The following ABCA12 variants were observed in gnomAD, a reference collection of about 807,000 sequenced individuals.
The protein encoded by ABCA12 is glucosylceramide transporter ABCA12.
Under a neutral mutation model 293.5 loss-of-function variants are expected in ABCA12, and 156 were observed. The ratio of observed to expected loss-of-function variants is 0.53; its 90% confidence interval spans 0.47 to 0.61. The LOEUF is 0.61. Ranked by LOEUF, ABCA12 falls within the 20% of genes least tolerant of loss-of-function variation. The probability of loss-of-function intolerance (pLI) is 0.00; values close to 1 mark genes in which losing one functional copy is unlikely to be tolerated. For missense variants in ABCA12, 2,797 were observed against 3,090.2 expected (o/e 0.91, Z 2.25); for synonymous variants, 1,063 against 1,108.0 (o/e 0.96, Z 0.81).
intron 39 of ABCA12, among the ~76,000 whole-genome samples, chr2:214,964,867 G>GA (rs1232691760): frequency 1.3e-5 from 2 of 152,000 alleles, no homozygotes; most frequent in African/African-American, 2.4e-5. Flanking sequence ...CACAGAATTA[G>GA]AAAAAAATTT....
intron 2 of ABCA12, among the ~76,000 whole-genome samples, 162 bp from the exon 3 acceptor site, chr2:215,064,381 A>G (rs1701598099): frequency 6.6e-6 from 1 of 151,988 alleles, no homozygotes. Flanking sequence ...ACTGAGTAGG[A>G]GCAGTCTTGG....
rs1574939296 is a variant in ABCA12, at chr2:214,955,494, C to G, written c.6234-133G>C. The G allele has an allele frequency of 1.1e-5, 9 of 822,222 alleles. No individual in the cohort carries two copies. In the East Asian group the frequency reaches 2.4e-4, roughly 22 times the overall value. The allele number at this position is 822,222 out of a possible 1,614,324, so 50.9% of individuals were successfully genotyped here. ...CCCAGGAGTTTGAGACCAGCCTGAGCAACTTGGCAAAACCCTGTCTCTACA... is the reference window on the plus strand; with the variant it reads ...CCCAGGAGTTTGAGACCAGCCTGAGGAACTTGGCAAAACCCTGTCTCTACA... On this transcript the variant is annotated intron_variant, in intron 42 of 52. Transcript: ENST00000272895.
intron 36 of ABCA12, 106 bp from the exon 37 acceptor site, chr2:214,970,506 G>T: frequency 7.8e-7 from 1 of 1,285,198 alleles, no homozygotes; most frequent in African/African-American, 1.5e-5. Context: ...TACTGCAACT[G>T]GTAGAGTGTG....
intron 2 of ABCA12, among the ~76,000 whole-genome samples, chr2:215,079,984 C>T (rs1250352842): frequency 6.6e-6 from 1 of 152,092 alleles, no homozygotes; most frequent in Non-Finnish European, 1.5e-5. Flanking sequence ...CTATATGTGG[C>T]ATGTATTGTC....
chr2:215,102,787 T>C (rs1702385422), intron 2 of ABCA12, among the ~76,000 whole-genome samples: 1 of 152,188 alleles, frequency 6.6e-6, no homozygotes. Context: ...ACTGGTTATC[T>C]AACTGATGAA....
At chr2:215,028,888 C>T (rs973269568) in intron 9 of ABCA12, among the ~76,000 whole-genome samples, 1 of 152,060 alleles carries the variant, frequency 6.6e-6, no homozygotes, top group Non-Finnish European at 1.5e-5. Flanking sequence ...AAACCCTGAG[C>T]AGGTATTTTG....
At chr2:215,033,204 C>T (rs1700916776) in intron 8 of ABCA12, among the ~76,000 whole-genome samples, 1 of 152,162 alleles carries the variant, frequency 6.6e-6, no homozygotes, top group African/African-American at 2.4e-5. Flanking sequence ...CCAGAATAAA[C>T]AAACCTAATT....
chr2:215,112,508 T>TTTTTTTTTTTTTG (rs1702597967), intron 1 of ABCA12, among the ~76,000 whole-genome samples: 3 of 131,616 alleles, frequency 2.3e-5, no homozygotes, highest in Non-Finnish European at 4.8e-5. Context: ...TTTTTTTTTG[T>TTTTTTTTTTTTTG]TTTTTTTTGA....
At chr2:214,939,124 C>T (rs771964048) in intron 50 of ABCA12, among the ~76,000 whole-genome samples, 24 of 151,914 alleles carry the variant, frequency 1.6e-4, no homozygotes, top group Non-Finnish European at 1.2e-4. Flanking sequence ...TAATCCATGT[C>T]GAATTAATTT....
At chr2:214,954,337 T>C (rs1273063853) in intron 43 of ABCA12, among the ~76,000 whole-genome samples, 2 of 152,170 alleles carry the variant, frequency 1.3e-5, no homozygotes, top group Non-Finnish European at 2.9e-5. Flanking sequence ...CCTATAATGT[T>C]GGACCTAATC....
Position 215,000,926 on chromosome 2 carries a change from C to A in ABCA12, c.2958G>T (p.Arg986=), listed in dbSNP as rs373896768. The A allele has an allele frequency of 4.3e-6, 7 of 1,613,894 alleles. No homozygotes were observed. Among genetic ancestry groups the A allele is most frequent in the Admixed American group, 1.7e-5 (1 of 59,976 alleles). ...TGGTCTGTGCGGTCTTGAGACTCAT[C>A]CGGATGGTATATTTTATGACAGGAG... ...FLPPVIKYTI[R]MSLKTAQTTR... Residue 986 remains arginine (R), a synonymous_variant, in exon 22 of 53, where the codon CGG becomes CGT. Coordinates refer to ENST00000272895, the MANE Select transcript of ABCA12 (RefSeq NM_173076.3).
intron 41 of ABCA12, 47 bp from the exon 42 acceptor site, chr2:214,956,825 CAAA>C (rs373508320): frequency 1.1e-5 from 11 of 1,021,234 alleles, no homozygotes; most frequent in African/African-American, 1.6e-5. Context: ...AAGCATTTTT[CAAA>C]AAAAAAAAAA....
At chr2:215,062,743 G>T (rs1280940264) in intron 3 of ABCA12, among the ~76,000 whole-genome samples, 1 of 151,886 alleles carries the variant, frequency 6.6e-6, no homozygotes, top group Admixed American at 6.6e-5. Flanking sequence ...CCTTGTCCTT[G>T]TTGGTCTCTA....
intron 51 of ABCA12, among the ~76,000 whole-genome samples, chr2:214,937,045 T>C (rs186068068): frequency 6.6e-6 from 1 of 152,280 alleles, no homozygotes; most frequent in East Asian, 1.9e-4. Flanking sequence ...CTTTGGCATA[T>C]CTTACGCATC....
In ABCA12 at chr2:215,052,594, A is replaced by C; in HGVS notation, c.410-10T>G. 6.2e-7 allele frequency: 1 copy of C among 1,603,386 alleles called. No individual in the cohort carries two copies. The highest frequency in any genetic ancestry group is 1.1e-5 in the South Asian group (1 of 90,858). On this transcript the variant is annotated splice_polypyrimidine_tract_variant and intron_variant, in intron 4 of 52. Transcript: ENST00000272895. ...CTGGGAAATACTGTGGCTGTAATCA[A>C]AGAAGGAACAGATTAGCATTCCACA...
intron 2 of ABCA12, among the ~76,000 whole-genome samples, chr2:215,098,110 G>A (rs1702284507): frequency 1.3e-5 from 2 of 152,282 alleles, no homozygotes; most frequent in South Asian, 2.1e-4. Flanking sequence ...TTAGAGCTGT[G>A]TAGAGAGGTG....
At chr2:215,005,795 C>G (rs573421265) in intron 19 of ABCA12, among the ~76,000 whole-genome samples, 64 of 152,288 alleles carry the variant, frequency 4.2e-4, no homozygotes, top group Middle Eastern at 3.4e-3. Flanking sequence ...CAATACTAAT[C>G]CATGCATGTA....
At position 214,966,901 on chromosome 2, in the gene ABCA12, A is replaced by C. The variant is rs1057522312; in HGVS notation, c.5831T>G (p.Leu1944Arg). 1 of 1,613,906 alleles carries C rather than the reference A, an allele frequency of 6.2e-7. No homozygotes were observed. Among genetic ancestry groups the C allele is most frequent in the Non-Finnish European group, 8.5e-7 (1 of 1,179,824 alleles). ...GTTAACTCGCAGAAGGAAATTATTC[A>C]GGCTGTTGAGGTAAGCTGGAAGGGA... ...YHSLPAYLNS[L>R]NNFLLRVNMS... is the part of the protein sequence containing the mutation. Residue 1944 changes from leucine (L) to arginine (R), a missense_variant, in exon 39 of 53, where the codon CTG becomes CGG. Coordinates refer to ENST00000272895, the MANE Select transcript of ABCA12 (RefSeq NM_173076.3).
At chr2:214,982,956 G>T (rs1699701130) in intron 29 of ABCA12, among the ~76,000 whole-genome samples, 1 of 152,176 alleles carries the variant, frequency 6.6e-6, no homozygotes, top group Admixed American at 6.5e-5. Context: ...CTCAGAAAAG[G>T]TGACATTTTG....
Sources: gnomAD v4.1 joint callset for allele counts (sites outside exome capture counted in the v4.1 genomes callset) on GRCh38, gnomAD v4.1.1 for gene constraint, MANE v1.5 for transcripts, NCBI Gene and HGNC (gene_info 2026-07-23, HGNC 2026-07-21) for gene names.